Variants in DGKI observed in about 807,000 individuals in gnomAD.
DGKI encodes diacylglycerol kinase iota, also known as DAG kinase iota.
A neutral mutation model predicts 147.5 loss-of-function variants in DGKI; 55 were observed. That is an observed-to-expected ratio of 0.37 (90% confidence interval 0.30 to 0.47). The LOEUF is 0.47. Among genes scored for constraint, DGKI ranks in the 20% least tolerant of loss-of-function variants. DGKI has a pLI of 1.00. For missense variants in DGKI, 1,007 were observed against 1,323.8 expected (o/e 0.76, Z 3.71); for synonymous variants, 469 against 477.1 (o/e 0.98, Z 0.22).
intron 17 of DGKI, among the ~76,000 whole-genome samples, chr7:137,574,609 C>T (rs2128977573): frequency 6.6e-6 from 1 of 152,294 alleles, no homozygotes; most frequent in East Asian, 1.9e-4. Context: ...GGGCCTTACA[C>T]TGTATACTGC....
At chr7:137,568,974 C>G (rs1376218851) in intron 19 of DGKI, among the ~76,000 whole-genome samples, 1 of 150,910 alleles carries the variant, frequency 6.6e-6, no homozygotes, top group Non-Finnish European at 1.5e-5. Context: ...GAACAAGACA[C>G]AGATATAGTC....
At chr7:137,782,151 T>A (rs1265704650) in intron 1 of DGKI, among the ~76,000 whole-genome samples, 1 of 152,150 alleles carries the variant, frequency 6.6e-6, no homozygotes, top group Non-Finnish European at 1.5e-5. Flanking sequence ...ACCAAAAAAC[T>A]GTGAGTCTGC....
chr7:137,522,914 T>C (rs2128953137), intron 20 of DGKI, among the ~76,000 whole-genome samples: 1 of 150,194 alleles, frequency 6.7e-6, no homozygotes, highest in African/African-American at 2.5e-5. Context: ...AATTTTCTCA[T>C]ACAGAGGCTT....
chr7:137,638,442 ATACACACACACATATATATG>A, intron 6 of DGKI, among the ~76,000 whole-genome samples: 1 of 127,524 alleles, frequency 7.8e-6, no homozygotes, highest in Admixed American at 8.0e-5. Flanking sequence ...ATATATATAT[ATACACACACACATATATATG>A]TGTGTATATA....
chr7:137,722,856 G>A, intron 1 of DGKI: 1 of 974,720 alleles, frequency 1.0e-6, no homozygotes, highest in Non-Finnish European at 1.6e-6. Context: ...TGTTCTAAAT[G>A]TCTTAAGAAC....
intron 6 of DGKI, among the ~76,000 whole-genome samples, chr7:137,628,474 C>T (rs1031765170): frequency 1.3e-5 from 2 of 152,204 alleles, no homozygotes; most frequent in Admixed American, 6.5e-5. Flanking sequence ...ATTAAACCAC[C>T]TGCTATAGGA....
chr7:137,609,314 A>G (rs1037459208), intron 9 of DGKI, among the ~76,000 whole-genome samples: 1 of 152,158 alleles, frequency 6.6e-6, no homozygotes, highest in Non-Finnish European at 1.5e-5. Flanking sequence ...CTTCATCATC[A>G]TCATCTTGGG....
rs538762846 is a variant in DGKI, at chr7:137,627,775, A to G, written c.805-4221T>C. On this transcript the variant is annotated intron_variant, in intron 6 of 32. Transcript: ENST00000614521. Reference sequence around the variant, plus strand: ...AGGCCACCATTCTCTCCACTTAGATATCAGATGGCTGTGCATGAAACAAAA... The same window carrying G: ...AGGCCACCATTCTCTCCACTTAGATGTCAGATGGCTGTGCATGAAACAAAA... 3.5e-4 allele frequency among the ~76,000 whole-genome samples: 53 copies of G among 152,366 alleles called. 1 individual carries two copies. In the South Asian group the frequency reaches 8.9e-3, roughly 26 times the overall value.
intron 17 of DGKI, among the ~76,000 whole-genome samples, chr7:137,573,492 C>G (rs1818862344): frequency 6.6e-6 from 1 of 152,198 alleles, no homozygotes; most frequent in African/African-American, 2.4e-5. Flanking sequence ...GCAACCTCAG[C>G]CTGCCAGGTT....
chr7:137,637,461 G>A (rs557534643), intron 6 of DGKI, among the ~76,000 whole-genome samples: 2 of 152,292 alleles, frequency 1.3e-5, no homozygotes, highest in East Asian at 1.9e-4. Flanking sequence ...AACCAAAATT[G>A]CTTTTAACCA....
At chr7:137,604,540 C>G (rs559662748) in intron 10 of DGKI, among the ~76,000 whole-genome samples, 1 of 152,268 alleles carries the variant, frequency 6.6e-6, no homozygotes, top group African/African-American at 2.4e-5. Flanking sequence ...TGTCCACAGA[C>G]TGGACACCTC....
intron 1 of DGKI, among the ~76,000 whole-genome samples, chr7:137,796,191 CA>C (rs372592133): frequency 6.6e-6 from 1 of 152,244 alleles, no homozygotes; most frequent in Non-Finnish European, 1.5e-5. Context: ...TGGGGTTACA[CA>C]AAGTTTTAAA....
chr7:137,683,153 T>C (rs1823298079), intron 2 of DGKI, among the ~76,000 whole-genome samples: 1 of 152,144 alleles, frequency 6.6e-6, no homozygotes. Context: ...TGCTCTGAAC[T>C]CTGACACCCT....
intron 10 of DGKI, among the ~76,000 whole-genome samples, chr7:137,606,887 T>C (rs1276320320): frequency 2.6e-5 from 4 of 152,162 alleles, no homozygotes; most frequent in Admixed American, 6.5e-5. Context: ...TACAATTATT[T>C]AACTATGTGC....
At chr7:137,641,339 A>C (rs1250863499) in intron 6 of DGKI, among the ~76,000 whole-genome samples, 1 of 152,206 alleles carries the variant, frequency 6.6e-6, no homozygotes, top group Non-Finnish European at 1.5e-5. Flanking sequence ...ACAGTATAAA[A>C]AATGTAGACA....
chr7:137,675,178 C>T (rs895470309), intron 3 of DGKI, among the ~76,000 whole-genome samples: 14 of 152,166 alleles, frequency 9.2e-5, no homozygotes, highest in South Asian at 2.1e-4. Context: ...TGACCTCTTG[C>T]CCAAAGCAGC....
intron 23 of DGKI, among the ~76,000 whole-genome samples, chr7:137,476,979 C>T (rs372209598): frequency 6.6e-6 from 1 of 152,190 alleles, no homozygotes; most frequent in Admixed American, 6.5e-5. Flanking sequence ...CTAGACTCAG[C>T]TCAAACAAAA....
Position 137,382,589 on chromosome 7 carries a change from G to A in DGKI, c.*8631C>T, listed in dbSNP as rs2128889373. 1 of 152,126 alleles carries A rather than the reference G, an allele frequency of 6.6e-6. No individual in the cohort carries two copies. The highest frequency in any genetic ancestry group is 2.1e-4 in the South Asian group (1 of 4,826). The allele number at this position is 152,126 out of a possible 1,614,324, so 9.4% of individuals were successfully genotyped here. ...CACTTTGAACAAATTTAATCTTTCT[G>A]TATGTTTCCTGAGTTTGATTTTCAA... On this transcript the variant is annotated 3_prime_UTR_variant, in exon 33 of 33. Coordinates refer to ENST00000614521, the MANE Select transcript of DGKI (RefSeq NM_001321708.2).
intron 21 of DGKI, among the ~76,000 whole-genome samples, chr7:137,517,613 A>T (rs1005109215): frequency 1.3e-5 from 2 of 152,152 alleles, no homozygotes; most frequent in African/African-American, 4.8e-5. Flanking sequence ...AGTGTTTAAC[A>T]ATGAGAAAAA....
Sources: allele counts gnomAD v4.1 joint callset (sites outside exome capture counted in the v4.1 genomes callset), GRCh38; gene constraint gnomAD v4.1.1; transcripts MANE v1.5; gene names NCBI Gene and HGNC (gene_info 2026-07-23, HGNC 2026-07-21).